The following CCDC178 variants were observed in gnomAD, a reference collection of about 807,000 sequenced individuals.
CCDC178 encodes the protein coiled-coil domain-containing protein 178.
CCDC178 carries 126 observed loss-of-function variants against 117.4 expected under a neutral mutation model. The observed-to-expected ratio is 1.07, with a 90% confidence interval of 0.93 to 1.24. The LOEUF (loss-of-function observed/expected upper bound fraction) is 1.24. CCDC178 is among the 50% of genes most tolerant of loss of function. The pLI, the probability that CCDC178 is intolerant of heterozygous loss-of-function variation, is 0.00. For synonymous variants in CCDC178, 283 were observed against 313.4 expected, an observed-to-expected ratio of 0.90 and a Z score of 1.02; for missense variants, 1,030 against 986.9, an observed-to-expected ratio of 1.04 and a Z score of -0.59.
At chr18:33,177,666 CT>C (rs1414547957) in intron 20 of CCDC178, among the ~76,000 whole-genome samples, 1 of 152,142 alleles carries the variant, frequency 6.6e-6, no homozygotes, top group Non-Finnish European at 1.5e-5. Flanking sequence ...ACAATCTATG[CT>C]TTTGAAAGAA....
At chr18:32,983,102 G>A (rs1459667460) in intron 21 of CCDC178, among the ~76,000 whole-genome samples, 1 of 151,486 alleles carries the variant, frequency 6.6e-6, no homozygotes, top group South Asian at 2.1e-4. Flanking sequence ...ACTCCATTTT[G>A]CTGTAAGCCC....
At chr18:33,268,161 G>A (rs2059842317) in intron 12 of CCDC178, among the ~76,000 whole-genome samples, 1 of 151,528 alleles carries the variant, frequency 6.6e-6, no homozygotes, top group African/African-American at 2.4e-5. Context: ...AGTTCACATG[G>A]AAAAAAGGTA....
intron 21 of CCDC178, among the ~76,000 whole-genome samples, chr18:33,056,950 C>CTTTT (rs5823883): frequency 3.8e-4 from 54 of 142,214 alleles, no homozygotes; most frequent in Middle Eastern, 3.8e-3. Context: ...TAAGTTTTTC[C>CTTTT]TTTTTTTTTT....
At chr18:33,162,991 C>G (rs149147869) in intron 20 of CCDC178, among the ~76,000 whole-genome samples, 33 of 152,130 alleles carry the variant, frequency 2.2e-4, no homozygotes, top group African/African-American at 7.7e-4. Context: ...CTGTTTTTAG[C>G]TCTTTGAGGA....
chr18:33,280,416 C>G (rs931007373), intron 12 of CCDC178, among the ~76,000 whole-genome samples: 31 of 151,380 alleles, frequency 2.0e-4, no homozygotes, highest in South Asian at 2.1e-4. Context: ...CCATCTCACA[C>G]CAGTTAGAAT....
intron 15 of CCDC178, among the ~76,000 whole-genome samples, chr18:33,235,497 T>C (rs2059417020): frequency 6.6e-6 from 1 of 152,148 alleles, no homozygotes; most frequent in Non-Finnish European, 1.5e-5. Flanking sequence ...TTGTGAATGT[T>C]AAATTAATTA....
chr18:33,317,997 C>T (rs1315565431), intron 11 of CCDC178, among the ~76,000 whole-genome samples: 4 of 152,042 alleles, frequency 2.6e-5, no homozygotes, highest in South Asian at 4.1e-4. Context: ...ATGAAACAAC[C>T]GGAAGAAGGC....
chr18:33,305,029 C>G (rs1035653971), intron 11 of CCDC178, among the ~76,000 whole-genome samples: 3 of 152,170 alleles, frequency 2.0e-5, no homozygotes, highest in Non-Finnish European at 4.4e-5. Flanking sequence ...TTCTGCACTG[C>G]TTGACACTCA....
intron 11 of CCDC178, among the ~76,000 whole-genome samples, chr18:33,294,821 G>C (rs1329400613): frequency 6.6e-6 from 1 of 152,162 alleles, no homozygotes; most frequent in Non-Finnish European, 1.5e-5. Context: ...ACTTTTGCCT[G>C]AGTGATGGAC....
At chr18:33,333,451 T>C (rs1235138541) in intron 9 of CCDC178, 57 bp from the exon 10 acceptor site, 1 of 681,906 alleles carries the variant, frequency 1.5e-6, no homozygotes, top group Non-Finnish European at 2.3e-6. Flanking sequence ...TATTTGATAA[T>C]ACATAAATAT....
At chr18:32,969,980 G>T (rs1460381442) in intron 22 of CCDC178, among the ~76,000 whole-genome samples, 1 of 151,990 alleles carries the variant, frequency 6.6e-6, no homozygotes, top group Non-Finnish European at 1.5e-5. Context: ...ATGAAGTTAG[G>T]ACCTCATATA....
chr18:32,967,297 T>G (rs1479271307), intron 22 of CCDC178, among the ~76,000 whole-genome samples: 2 of 151,526 alleles, frequency 1.3e-5, no homozygotes, highest in Non-Finnish European at 3.0e-5. Context: ...CCATTGTGAT[T>G]GTGGATTTGT....
At chr18:33,332,494 A>C (rs920958759) in intron 10 of CCDC178, among the ~76,000 whole-genome samples, 4 of 152,126 alleles carry the variant, frequency 2.6e-5, no homozygotes, top group African/African-American at 9.7e-5. Flanking sequence ...CAATGAAATT[A>C]ATATATTTTA....
chr18:33,119,760 C>G (rs1188490706), intron 20 of CCDC178, among the ~76,000 whole-genome samples: 2 of 152,166 alleles, frequency 1.3e-5, no homozygotes, highest in Non-Finnish European at 2.9e-5. Context: ...GCACTATTCA[C>G]AATAGCGAAG....
At chr18:33,124,410 G>T (rs906364702) in intron 20 of CCDC178, among the ~76,000 whole-genome samples, 1 of 152,116 alleles carries the variant, frequency 6.6e-6, no homozygotes, top group Non-Finnish European at 1.5e-5. Flanking sequence ...TTATGTGTAA[G>T]AAAATGAAAG....
intron 20 of CCDC178, among the ~76,000 whole-genome samples, chr18:33,113,767 G>A (rs1254885787): frequency 2.6e-5 from 4 of 152,058 alleles, no homozygotes; most frequent in Non-Finnish European, 5.9e-5. Context: ...CTATTGGACT[G>A]CATGCAAGGG....
chr18:33,370,105 T>C lies in CCDC178; in HGVS notation c.293A>G (p.Lys98Arg), dbSNP rs752068296. 1.1e-5 allele frequency: 17 copies of C among 1,606,618 alleles called. No homozygotes were observed. Among genetic ancestry groups the C allele is most frequent in the Non-Finnish European group, 1.4e-5 (16 of 1,176,670 alleles). Reference sequence around the variant, plus strand: ...CACATCTTGGATGTGTGAAATCATTTTGTTGACACAAGGTGCTGGAATATT... The same window carrying C: ...CACATCTTGGATGTGTGAAATCATTCTGTTGACACAAGGTGCTGGAATATT... ...VVNIPAPCVN[K>R]MISHIQDVES... Residue 98 changes from lysine (K) to arginine (R), a missense_variant, in exon 6 of 23, where the codon AAA (lysine) becomes AGA (arginine). Lys to Arg is a conservative substitution (Grantham distance 26, BLOSUM62 2). Coordinates refer to ENST00000383096, the MANE Select transcript of CCDC178 (RefSeq NM_001105528.4).
chr18:33,224,727 A>G (rs745651862), intron 17 of CCDC178, 48 bp downstream of exon 17: 1 of 1,170,920 alleles, frequency 8.5e-7, no homozygotes, highest in South Asian at 2.0e-5. Context: ...GTAACTTACT[A>G]ACGTATATAT....
At chr18:33,116,092 A>G (rs1286864089) in intron 20 of CCDC178, among the ~76,000 whole-genome samples, 1 of 152,050 alleles carries the variant, frequency 6.6e-6, no homozygotes, top group African/African-American at 2.4e-5. Flanking sequence ...AATTATCAGG[A>G]CCTGTGAATT....
Sources: gnomAD v4.1 joint callset for allele counts (sites outside exome capture counted in the v4.1 genomes callset) on GRCh38, gnomAD v4.1.1 for gene constraint, MANE v1.5 for transcripts, NCBI Gene and HGNC (gene_info 2026-07-23, HGNC 2026-07-21) for gene names.